Variants in FBXW10B observed in about 807,000 individuals in gnomAD.
The protein encoded by FBXW10B is F-box and WD repeat domain containing protein 10B.
chr17:15,615,321 CTTTTTTT>C, the FBXW10B span, among the ~76,000 whole-genome samples: 30 of 88,706 alleles, frequency 3.4e-4, no homozygotes, highest in African/African-American at 1.7e-3. Flanking sequence ...TATTGGCTTT[CTTTTTTT>C]TTTTTTTTTT....
chr17:15,599,173 C>CAAAA, the FBXW10B span, among the ~76,000 whole-genome samples: 13 of 69,222 alleles, frequency 1.9e-4, no homozygotes, highest in East Asian at 1.5e-3. Context: ...GACTCTGTCT[C>CAAAA]AAAAAAAAAA....
At chr17:15,611,023 C>CT in the FBXW10B span, among the ~76,000 whole-genome samples, 3,667 of 128,504 alleles carry the variant, frequency 0.029, 120 homozygotes, top group African/African-American at 0.081. Context: ...AATGTGTTTT[C>CT]TTTTTTTTTT....
the FBXW10B span, chr17:15,607,784 ATTCTTCCT>A: frequency 8.9e-7 from 1 of 1,119,496 alleles, no homozygotes; most frequent in South Asian, 1.5e-5. Flanking sequence ...GGGCTCACAG[ATTCTTCCT>A]CTGAAGGCTG....
the FBXW10B span, chr17:15,615,771 C>T: frequency 1.2e-6 from 2 of 1,613,710 alleles, no homozygotes; most frequent in Non-Finnish European, 1.7e-6. Context: ...TGGTCTTTCT[C>T]AGGGGAAAAA....
chr17:15,619,314 A>C, the FBXW10B span: 2 of 1,613,706 alleles, frequency 1.2e-6, no homozygotes, highest in Non-Finnish European at 1.7e-6. Context: ...AACAAATATA[A>C]GCTATTTAAC....
the FBXW10B span, among the ~76,000 whole-genome samples, chr17:15,594,085 T>C: frequency 1.3e-5 from 2 of 152,148 alleles, no homozygotes; most frequent in East Asian, 1.9e-4. Context: ...ATCTAACATA[T>C]AGATGATCAT....
At chr17:15,574,089 C>T in the FBXW10B span, 33 of 719,294 alleles carry the variant, frequency 4.6e-5, no homozygotes, top group South Asian at 2.9e-4. Context: ...TGGTTGCCTC[C>T]GTCACTGTTC....
the FBXW10B span, chr17:15,605,072 G>T: frequency 6.8e-7 from 1 of 1,467,054 alleles, no homozygotes; most frequent in Non-Finnish European, 9.0e-7. Context: ...CTTTTTCCTT[G>T]CCAAAAAAAA....
At chr17:15,614,156 A>G in the FBXW10B span, 3 of 1,262,494 alleles carry the variant, frequency 2.4e-6, no homozygotes, top group Non-Finnish European at 2.2e-6. Flanking sequence ...ACCTTAGGCC[A>G]CTAGATTTTT....
At chr17:15,596,799 C>T in the FBXW10B span, 38 of 1,187,922 alleles carry the variant, frequency 3.2e-5, no homozygotes, top group Middle Eastern at 5.2e-4. Flanking sequence ...GAAGGACTTC[C>T]CGTGGCCTAG....
chr17:15,588,983 C>G, the FBXW10B span: 1 of 1,612,930 alleles, frequency 6.2e-7, no homozygotes, highest in Non-Finnish European at 8.5e-7. Flanking sequence ...TGCTACACAC[C>G]ACTGAAAAGG....
chr17:15,618,777 G>A, the FBXW10B span, among the ~76,000 whole-genome samples: 1 of 152,114 alleles, frequency 6.6e-6, no homozygotes, highest in Non-Finnish European at 1.5e-5. Flanking sequence ...TAAAAGTTGT[G>A]TACTTCCTCC....
chr17:15,605,368 A>G, the FBXW10B span: 1 of 1,587,960 alleles, frequency 6.3e-7, no homozygotes, highest in South Asian at 1.1e-5. Context: ...TTTCGATTAG[A>G]TGACACAGCT....
chr17:15,586,751 G>T, the FBXW10B span, among the ~76,000 whole-genome samples: 1 of 151,422 alleles, frequency 6.6e-6, no homozygotes, highest in Non-Finnish European at 1.5e-5. Context: ...AAGCAAGAGG[G>T]GTATTACCTT....
At chr17:15,615,834 G>A in the FBXW10B span, 1 of 1,613,730 alleles carries the variant, frequency 6.2e-7, no homozygotes, top group South Asian at 1.1e-5. Flanking sequence ...ACCAAGACAA[G>A]GTTGCTCTTG....
chr17:15,569,620 T>C, the FBXW10B span, among the ~76,000 whole-genome samples: 2 of 151,812 alleles, frequency 1.3e-5, no homozygotes, highest in Non-Finnish European at 2.9e-5. Flanking sequence ...TCGCTGGGCC[T>C]AGGTAATTTT....
At chr17:15,606,022 A>G in the FBXW10B span, among the ~76,000 whole-genome samples, 1 of 143,114 alleles carries the variant, frequency 7.0e-6, no homozygotes, top group East Asian at 2.2e-4. Context: ...TGACCAAATA[A>G]TGTATTGTCC....
At chr17:15,604,555 G>T in the FBXW10B span, among the ~76,000 whole-genome samples, 1 of 152,046 alleles carries the variant, frequency 6.6e-6, no homozygotes, top group East Asian at 1.9e-4. Context: ...GTTTTTTTGA[G>T]ATGGAGTCTT....
At chr17:15,612,674 C>T in the FBXW10B span, 10 of 1,613,796 alleles carry the variant, frequency 6.2e-6, no homozygotes, top group East Asian at 2.2e-4. Flanking sequence ...CTCACAGCTA[C>T]TTGCCCCAGA....
Sources: allele counts gnomAD v4.1 joint callset (sites outside exome capture counted in the v4.1 genomes callset), GRCh38; gene constraint gnomAD v4.1.1; transcripts MANE v1.5; gene names NCBI Gene and HGNC (gene_info 2026-07-23, HGNC 2026-07-21).